Variants in PTPRK observed in about 807,000 individuals in gnomAD.
The protein encoded by PTPRK is receptor-type tyrosine-protein phosphatase kappa.
Under a neutral mutation model 178.0 loss-of-function variants are expected in PTPRK, and 75 were observed. The ratio of observed to expected loss-of-function variants is 0.42; its 90% CI spans 0.35 to 0.51. PTPRK has a LOEUF of 0.51. Among genes scored for constraint, PTPRK ranks in the 20% least tolerant of loss-of-function variants. The pLI is 0.02. For synonymous variants in PTPRK, 637 were observed against 620.6 expected (o/e 1.03, Z -0.39); for missense variants, 1,441 against 1,797.8 (o/e 0.80, Z 3.59).
At chr6:128,264,852 G>A (rs1410090363) in intron 3 of PTPRK, among the ~76,000 whole-genome samples, 1 of 152,072 alleles carries the variant, frequency 6.6e-6, no homozygotes, top group Non-Finnish European at 1.5e-5. Context: ...TTGTGATAGT[G>A]AATAAATCTC....
At chr6:128,240,008 TTA>T (rs1474797484) in intron 5 of PTPRK, 25 bp downstream of exon 5, 1 of 1,538,500 alleles carries the variant, frequency 6.5e-7, no homozygotes, top group Non-Finnish European at 9.0e-7. Flanking sequence ...AGTATACTCT[TTA>T]GCTCAGCTGC....
intron 1 of PTPRK, among the ~76,000 whole-genome samples, chr6:128,439,195 C>G (rs954946850): frequency 6.6e-6 from 1 of 152,048 alleles, no homozygotes; most frequent in Non-Finnish European, 1.5e-5. Flanking sequence ...TATGCATTTC[C>G]CCTTCCCCTT....
chr6:128,414,719 A>T (rs928123034), intron 1 of PTPRK, among the ~76,000 whole-genome samples: 1 of 152,214 alleles, frequency 6.6e-6, no homozygotes, highest in African/African-American at 2.4e-5. Flanking sequence ...TGCTTGCTTC[A>T]TAAAGTAACC....
intron 7 of PTPRK, among the ~76,000 whole-genome samples, chr6:128,115,138 T>C (rs564730828): frequency 7.9e-5 from 12 of 152,228 alleles, no homozygotes; most frequent in Middle Eastern, 3.4e-3. Context: ...TTCCAGCTAC[T>C]GGACTGCACC....
intron 1 of PTPRK, among the ~76,000 whole-genome samples, chr6:128,466,726 T>C (rs1584854520): frequency 1.3e-5 from 2 of 152,152 alleles, no homozygotes; most frequent in East Asian, 3.9e-4. Context: ...TTTAATTGAA[T>C]ATACAAGGAA....
At chr6:128,378,442 A>G (rs529977992) in intron 2 of PTPRK, among the ~76,000 whole-genome samples, 1 of 152,240 alleles carries the variant, frequency 6.6e-6, no homozygotes, top group African/African-American at 2.4e-5. Flanking sequence ...ACAAAAAATG[A>G]CATCAAAAGA....
intron 3 of PTPRK, among the ~76,000 whole-genome samples, chr6:128,286,499 T>C (rs1159551336): frequency 6.6e-6 from 1 of 152,164 alleles, no homozygotes; most frequent in Middle Eastern, 3.2e-3. Context: ...ATTTGGTTCA[T>C]TTGTGTACCT....
chr6:128,209,265 A>C (rs1433742439), intron 6 of PTPRK, among the ~76,000 whole-genome samples: 1 of 152,128 alleles, frequency 6.6e-6, no homozygotes, highest in Non-Finnish European at 1.5e-5. Flanking sequence ...AACACAATGC[A>C]TTTATATTTC....
chr6:127,983,427 T>C (rs1441501723), intron 22 of PTPRK, 50 bp from the exon 23 acceptor site: 1 of 1,579,710 alleles, frequency 6.3e-7, no homozygotes. Context: ...TTAGTCTTCA[T>C]AACCTTAAAT....
chr6:127,975,868 T>C (rs1166759321), intron 27 of PTPRK, among the ~76,000 whole-genome samples: 1 of 144,820 alleles, frequency 6.9e-6, no homozygotes, highest in African/African-American at 2.7e-5. Flanking sequence ...AGATGGGGTT[T>C]CACCACGTTG....
intron 2 of PTPRK, among the ~76,000 whole-genome samples, chr6:128,356,205 T>C (rs1833939280): frequency 6.6e-6 from 1 of 152,182 alleles, no homozygotes; most frequent in Non-Finnish European, 1.5e-5. Flanking sequence ...TTCTTTAGTC[T>C]ACCCCCTTGA....
chr6:128,354,129 C>G (rs1184907905), intron 2 of PTPRK, among the ~76,000 whole-genome samples: 1 of 150,914 alleles, frequency 6.6e-6, no homozygotes, highest in Non-Finnish European at 1.5e-5. Flanking sequence ...CGTAAGGAAG[C>G]TAGCATATAT....
chr6:127,982,923 C>T lies in PTPRK; in HGVS notation c.3445G>A (p.Ala1149Thr). 1.2e-6 allele frequency: 2 copies of T among 1,612,664 alleles called. No homozygotes were observed. Among genetic ancestry groups the T allele is most frequent in the Non-Finnish European group, 1.7e-6 (2 of 1,178,882 alleles). Residue 1149 changes from alanine to threonine, a missense_variant, in exon 24 of 30, where the codon GCC becomes ACC. By Grantham distance (58) the Ala-to-Thr change is moderately conservative. Transcript: ENST00000368226. ...GCTTTAAATTCACAGACAGGTATGGCAGTTTCTCCACATAAGCAGGCTTCT... is the reference window on the plus strand; with the variant it reads ...GCTTTAAATTCACAGACAGGTATGGTAGTTTCTCCACATAAGCAGGCTTCT... ...ILEACLCGET[A>T]IPVCEFKAAY...
In PTPRK at chr6:127,990,345, C is replaced by T. The variant is rs572731306; in HGVS notation, c.3096+424G>A. Reference sequence around the variant, plus strand: ...AAACATTATTGCCCTGGACATAACCCGTCACTCCCTCACTTATTTCAGGTC... The same window carrying T: ...AAACATTATTGCCCTGGACATAACCTGTCACTCCCTCACTTATTTCAGGTC... On this transcript the variant is annotated intron_variant, in intron 21 of 29. Transcript: ENST00000368226. Among the ~76,000 whole-genome samples, 173 of 152,124 alleles carry T rather than the reference C, an allele frequency of 1.1e-3. 1 individual carries two copies. Among genetic ancestry groups the T allele is most frequent in the African/African-American group, 3.9e-3 (163 of 41,528 alleles).
At chr6:128,321,728 T>C (rs1250946079) in intron 3 of PTPRK, 1 of 682,334 alleles carries the variant, frequency 1.5e-6, no homozygotes, top group South Asian at 1.6e-5. Flanking sequence ...AGTAGCTCTT[T>C]GTCAAACCAC....
At chr6:128,491,240 C>G (rs1853723723) in intron 1 of PTPRK, among the ~76,000 whole-genome samples, 1 of 152,188 alleles carries the variant, frequency 6.6e-6, no homozygotes, top group Admixed American at 6.5e-5. Flanking sequence ...TGGATGAAAA[C>G]AGACATTTGC....
At chr6:128,207,307 G>A (rs1240380858) in intron 6 of PTPRK, among the ~76,000 whole-genome samples, 5 of 152,122 alleles carry the variant, frequency 3.3e-5, no homozygotes, top group African/African-American at 9.7e-5. Flanking sequence ...AATCAAGTGT[G>A]AACTATAGTG....
chr6:128,354,284 C>G, intron 2 of PTPRK, among the ~76,000 whole-genome samples: 1 of 112,074 alleles, frequency 8.9e-6, no homozygotes. Context: ...GTCGCCCAGG[C>G]TGGAGTGTAG....
intron 2 of PTPRK, among the ~76,000 whole-genome samples, chr6:128,357,875 T>C (rs970469622): frequency 6.6e-6 from 1 of 152,200 alleles, no homozygotes; most frequent in African/African-American, 2.4e-5. Flanking sequence ...AAATAGATAA[T>C]GTGCTGCTGT....
Sources: gnomAD v4.1 joint callset for allele counts (sites outside exome capture counted in the v4.1 genomes callset) on GRCh38, gnomAD v4.1.1 for gene constraint, MANE v1.5 for transcripts, NCBI Gene and HGNC (gene_info 2026-07-23, HGNC 2026-07-21) for gene names.